Variants in OPN5 observed in about 807,000 individuals in gnomAD.
OPN5 encodes opsin-5.
Under a neutral mutation model 41.7 loss-of-function variants are expected in OPN5, and 18 were observed. The ratio of observed to expected loss-of-function variants is 0.43; its 90% CI spans 0.30 to 0.64. The LOEUF (loss-of-function observed/expected upper bound fraction) is 0.64, where lower values mean the gene tolerates loss of function less well. OPN5 is among the 30% of genes least tolerant of loss of function. The pLI, the probability that OPN5 is intolerant of heterozygous loss-of-function variation, is 0.13. For missense variants in OPN5, 318 were observed against 434.5 expected, an observed-to-expected ratio of 0.73 and a Z score of 2.38; for synonymous variants, 178 against 164.3, an observed-to-expected ratio of 1.08 and a Z score of -0.64.
chr6:47,808,022 A>G, intron 4 of OPN5, 132 bp from the exon 5 acceptor site: 1 of 839,442 alleles, frequency 1.2e-6, no homozygotes, highest in Non-Finnish European at 1.9e-6. Flanking sequence ...TCCTATGTAC[A>G]AAGTAAATGA....
At chr6:47,795,503 A>T (rs772178094) in exon 4 of OPN5, 4 of 1,614,186 alleles carry the variant, frequency 2.5e-6, no homozygotes, top group Non-Finnish European at 2.5e-6. Context: ...CTTCCAAAGA[A>T]GTAGCTCATT....
chr6:47,808,605 G>A (rs1303507841), intron 5 of OPN5, among the ~76,000 whole-genome samples: 1 of 152,184 alleles, frequency 6.6e-6, no homozygotes, highest in African/African-American at 2.4e-5. Context: ...AGTGAGAAGT[G>A]ATTCTTTTTT....
intron 1 of OPN5, among the ~76,000 whole-genome samples, chr6:47,783,030 A>G (rs1773121682): frequency 6.6e-6 from 1 of 151,974 alleles, no homozygotes; most frequent in South Asian, 2.1e-4. Context: ...ATTAAAATTA[A>G]TTTACTGTAA....
At chr6:47,804,277 G>A (rs1257565542) in intron 4 of OPN5, among the ~76,000 whole-genome samples, 1 of 151,938 alleles carries the variant, frequency 6.6e-6, no homozygotes, top group Non-Finnish European at 1.5e-5. Context: ...TGCTTTTTCA[G>A]TGACCTAAAA....
chr6:47,797,192 T>C (rs1317960414), intron 4 of OPN5, among the ~76,000 whole-genome samples: 1 of 152,182 alleles, frequency 6.6e-6, no homozygotes, highest in African/African-American at 2.4e-5. Flanking sequence ...GTGAGCTAGA[T>C]TCCTGATGGC....
chr6:47,823,951 CA>C (rs1432928441), intron 6 of OPN5, 31 bp from the exon 7 acceptor site: 1 of 1,537,248 alleles, frequency 6.5e-7, no homozygotes, highest in African/African-American at 1.4e-5. Context: ...CTGTGTGCCT[CA>C]CCCTAAAACT....
chr6:47,797,219 G>A (rs1773602103), intron 4 of OPN5, among the ~76,000 whole-genome samples: 1 of 152,084 alleles, frequency 6.6e-6, no homozygotes, highest in South Asian at 2.1e-4. Flanking sequence ...TGACTGTTAT[G>A]CTCAAACTCT....
At chr6:47,800,713 C>A (rs1393284753) in intron 4 of OPN5, among the ~76,000 whole-genome samples, 1 of 152,104 alleles carries the variant, frequency 6.6e-6, no homozygotes, top group Admixed American at 6.5e-5. Flanking sequence ...AAATGTCTCT[C>A]AAAGTCAGCC....
At chr6:47,788,389 T>C (rs1773259952) in intron 2 of OPN5, among the ~76,000 whole-genome samples, 1 of 152,198 alleles carries the variant, frequency 6.6e-6, no homozygotes, top group South Asian at 2.1e-4. Context: ...TGAACTAGAC[T>C]AGGCTTGAAT....
chr6:47,805,110 G>A (rs1773911518), intron 4 of OPN5, among the ~76,000 whole-genome samples: 1 of 152,140 alleles, frequency 6.6e-6, no homozygotes, highest in Non-Finnish European at 1.5e-5. Context: ...GTTTATTTGG[G>A]GATTTAGAAA....
intron 2 of OPN5, among the ~76,000 whole-genome samples, chr6:47,790,970 T>C (rs763896773): frequency 3.2e-4 from 49 of 152,196 alleles, no homozygotes; most frequent in African/African-American, 8.0e-4. Flanking sequence ...CTTTTCATTA[T>C]AAGGAATCTC....
chr6:47,817,604 C>G (rs1384891436), intron 6 of OPN5, among the ~76,000 whole-genome samples: 1 of 152,092 alleles, frequency 6.6e-6, no homozygotes, highest in South Asian at 2.1e-4. Context: ...CCATGCCTGA[C>G]CTACTACTGA....
intron 4 of OPN5, among the ~76,000 whole-genome samples, chr6:47,798,628 T>G (rs986502481): frequency 2.0e-4 from 30 of 151,460 alleles, no homozygotes; most frequent in African/African-American, 6.1e-4. Context: ...TATATAAATC[T>G]ATATTAAAAT....
chr6:47,792,048 C>T, intron 3 of OPN5, 76 bp downstream of exon 3: 1 of 999,514 alleles, frequency 1.0e-6, no homozygotes, highest in South Asian at 1.6e-5. Flanking sequence ...ATATTTTATG[C>T]AGGTAATAAA....
At chr6:47,813,991 G>A (rs183593777) in intron 6 of OPN5, among the ~76,000 whole-genome samples, 5 of 151,934 alleles carry the variant, frequency 3.3e-5, no homozygotes, top group Non-Finnish European at 2.9e-5. Flanking sequence ...ATTCAAAACC[G>A]GTAGTTAAAA....
At chr6:47,814,261 T>C (rs1287186029) in intron 6 of OPN5, among the ~76,000 whole-genome samples, 1 of 151,738 alleles carries the variant, frequency 6.6e-6, no homozygotes, top group Non-Finnish European at 1.5e-5. Context: ...AACACTCAGG[T>C]TGGTGTAGAT....
intron 2 of OPN5, among the ~76,000 whole-genome samples, chr6:47,788,038 G>A (rs1403447247): frequency 6.6e-6 from 1 of 152,206 alleles, no homozygotes; most frequent in East Asian, 1.9e-4. Context: ...CTCAGAGTTT[G>A]GATGGTCTTG....
At chr6:47,794,032 A>T (rs563989048) in intron 3 of OPN5, among the ~76,000 whole-genome samples, 1 of 152,218 alleles carries the variant, frequency 6.6e-6, no homozygotes, top group African/African-American at 2.4e-5. Flanking sequence ...TATATTTCTT[A>T]TTAGCGCTAA....
rs185700887 is a variant in OPN5, at chr6:47,818,350, G to T, written c.1057-5633G>T. On this transcript the variant is annotated intron_variant, in intron 6 of 6. Coordinates refer to ENST00000371211, the Ensembl canonical transcript of OPN5. ...GCAAAGCCATGTGTGAGACCAGGCT[G>T]ATAAAATGACTTAAATGATTGGAAG... is the stretch of plus-strand genomic sequence containing the variant. Among the ~76,000 whole-genome samples the T allele has an allele frequency of 3.5e-4, 54 of 152,250 alleles. 1 individual carries two copies. The Middle Eastern group carries it at 0.017, about 48-fold the overall frequency.
Sources: gnomAD v4.1 joint callset for allele counts (sites outside exome capture counted in the v4.1 genomes callset) on GRCh38, gnomAD v4.1.1 for gene constraint, MANE v1.5 for transcripts, NCBI Gene and HGNC (gene_info 2026-07-23, HGNC 2026-07-21) for gene names.